IGSF9B: variants seen among roughly 807,000 people sequenced by gnomAD.
IGSF9B encodes immunoglobulin superfamily member 9B, also known as protein turtle homolog B.
A neutral mutation model predicts 143.7 loss-of-function variants in IGSF9B; 48 were observed. That is an observed-to-expected ratio of 0.33 (90% confidence interval 0.26 to 0.42). The LOEUF is 0.42. IGSF9B is among the 20% of genes least tolerant of loss of function. The probability of loss-of-function intolerance (pLI) is 1.00; values close to 1 mark genes in which losing one functional copy is unlikely to be tolerated. For missense variants in IGSF9B, 1,706 were observed against 1,980.0 expected (o/e 0.86, Z 2.63); for synonymous variants, 903 against 833.1 (o/e 1.08, Z -1.44).
chr11:133,904,354 G>A lies in IGSF9B; in HGVS notation c.*4715C>T, dbSNP rs2121258543. 6.6e-6 allele frequency among the ~76,000 whole-genome samples: 1 copy of A among 152,320 alleles called. No homozygotes were observed. The highest frequency in any genetic ancestry group is 6.5e-5 in the Admixed American group (1 of 15,302). ...CTCAAGACAAGTTTCTCAGCTTTGG[G>A]CCTGAGGAGCCCCCAAAACAAATGA... On this transcript the variant is annotated 3_prime_UTR_variant, in exon 20 of 20. Transcript: ENST00000533871.
chr11:133,946,866 C>T (rs1298739570), intron 1 of IGSF9B, among the ~76,000 whole-genome samples: 3 of 152,178 alleles, frequency 2.0e-5, no homozygotes, highest in Admixed American at 6.5e-5. Flanking sequence ...CGAGGCTGCT[C>T]GTGGCAACAC....
intron 3 of IGSF9B, 131 bp from the exon 4 acceptor site, chr11:133,938,092 G>A (rs1010492007): frequency 8.4e-6 from 9 of 1,070,834 alleles, no homozygotes; most frequent in Non-Finnish European, 1.2e-5. Flanking sequence ...GGAAGGTGGG[G>A]ATGGGAAAAA....
rs1331518853 is a variant in IGSF9B at position 133,928,622 on chromosome 11, C to T, written c.1631+1049G>A. Among the ~76,000 whole-genome samples, 1 of 152,172 alleles carries T rather than the reference C, an allele frequency of 6.6e-6. No individual in the cohort carries two copies. The highest frequency in any genetic ancestry group is 1.5e-5 in the Non-Finnish European group (1 of 68,026). ...AAGAAGGCACTGAGGGGCTCGCCCT[C>T]CCAGCTCAAGGTTGTCACCCCCGGG... On this transcript the variant is annotated intron_variant, in intron 12 of 19. Transcript: ENST00000533871. The surrounding 1 kb of genome is among the most constrained non-coding windows in gnomAD (Gnocchi z 4.7).
At chr11:133,942,191 C>T (rs539723940) in intron 3 of IGSF9B, among the ~76,000 whole-genome samples, 2 of 152,282 alleles carry the variant, frequency 1.3e-5, no homozygotes, top group East Asian at 1.9e-4. Flanking sequence ...GCATCTCACA[C>T]ATAATTACCC....
Position 133,920,829 on chromosome 11 carries a change from A to G in IGSF9B, c.2896T>C (p.Tyr966His), listed in dbSNP as rs753172962. The G allele has an allele frequency of 8.7e-6, 14 of 1,600,654 alleles. No homozygotes were observed. The highest frequency in any genetic ancestry group is 1.2e-5 in the Non-Finnish European group (14 of 1,173,124). The change falls in exon 18 of 20, where the codon TAT becomes CAT. Residue 966 changes from tyrosine (Y) to histidine (H), a missense_variant. Physicochemically the swap from Tyr to His is moderately conservative, Grantham distance 83. Around this residue, in one of 7 missense-constraint regions of IGSF9B, gnomAD observed 880 missense variants for 762.9 expected, o/e 1.15. Coordinates refer to ENST00000533871, the MANE Select transcript of IGSF9B (RefSeq NM_001277285.4). ...CTGCTGCTGCTGAGGTACCCATAAT[A>G]CTGGCCATGGTGGAAGGGCCGGGGG... is the stretch of plus-strand genomic sequence containing the variant. ...PAPRPFHHGQ[Y>H]YGYLSSSSPG...
At position 133,956,825 on chromosome 11, in the gene IGSF9B, C is replaced by A; in HGVS notation, c.-71G>T. 3 of 998,424 alleles carry A rather than the reference C, an allele frequency of 3.0e-6. No individual in the cohort carries two copies. Among genetic ancestry groups the A allele is most frequent in the Non-Finnish European group, 4.0e-6 (3 of 744,230 alleles). 61.8% of individuals were successfully genotyped at this position (998,424 alleles called of 1,614,324 possible). On this transcript the variant is annotated 5_prime_UTR_variant, in exon 1 of 20. Coordinates refer to ENST00000533871, the MANE Select transcript of IGSF9B (RefSeq NM_001277285.4). ...CCCGCGCCCGCACGCGCCTCGCGCC[C>A]GAGCGCCCGCCTCGCGCCCGCCTCG...
At position 133,948,752 on chromosome 11, in the gene IGSF9B, G is replaced by A. The variant is rs567055660; in HGVS notation, c.65-2494C>T. On this transcript the variant is annotated intron_variant, in intron 1 of 19. Transcript: ENST00000533871. This position sits in a 1 kb window ranked among gnomAD's most constrained non-coding sequence, Gnocchi z 4.7. ...ATTCCCAGGTGCCAGGTTACCTGGA[G>A]GAGGGCAGAGTGGGCAACAGAAGGT... is the stretch of plus-strand genomic sequence containing the variant. Among the ~76,000 whole-genome samples, 1 of 152,256 alleles carries A rather than the reference G, an allele frequency of 6.6e-6. No individual in the cohort carries two copies. Among genetic ancestry groups the A allele is most frequent in the African/African-American group, 2.4e-5 (1 of 41,554 alleles).
chr11:133,926,717 G>A (rs1193118693), intron 13 of IGSF9B, among the ~76,000 whole-genome samples, 199 bp downstream of exon 13: 1 of 152,198 alleles, frequency 6.6e-6, no homozygotes, highest in Non-Finnish European at 1.5e-5. Flanking sequence ...ACAGGAATTC[G>A]GCCAATGGCA....
rs1565431644 is a variant in IGSF9B, at chr11:133,927,106, GAGAC to G, written c.1632-19_1632-16del. 6.5e-7 allele frequency: 1 copy of G among 1,541,768 alleles called. No individual in the cohort carries two copies. The highest frequency in any genetic ancestry group is 2.5e-5 in the East Asian group (1 of 40,748). On this transcript the variant is annotated splice_polypyrimidine_tract_variant and intron_variant, in intron 12 of 19. Transcript: ENST00000533871. ...CCCGCTTCATCCTGGCCAAAAGAGA[GAGAC>G]AGGATAGGGGACGAGGGGCGGGGTG...
At position 133,904,546 on chromosome 11, in the gene IGSF9B, C is replaced by G. The variant is rs1358682376; in HGVS notation, c.*4523G>C. ...CACCCCACAATCCGTCCCTGATGCC[C>G]AGATCCCCCTCCCACATGCCCTGCA... is the stretch of plus-strand genomic sequence containing the variant. On this transcript the variant is annotated 3_prime_UTR_variant, in exon 20 of 20. Transcript: ENST00000533871. Among the ~76,000 whole-genome samples, 1 of 152,152 alleles carries G rather than the reference C, an allele frequency of 6.6e-6. No individual in the cohort carries two copies. The highest frequency in any genetic ancestry group is 1.5e-5 in the Non-Finnish European group (1 of 68,030).
At position 133,926,848 on chromosome 11, in the gene IGSF9B, G is replaced by A. The variant is rs1171647286; in HGVS notation, c.1807+68C>T. 34 of 1,384,744 alleles carry A rather than the reference G, an allele frequency of 2.5e-5. 1 individual carries two copies. The highest frequency in any genetic ancestry group is 3.4e-5 in the Non-Finnish European group (34 of 1,012,490). 85.8% of individuals were successfully genotyped at this position (1,384,744 alleles called of 1,614,324 possible). A position where few individuals can be genotyped will look rare whatever the true frequency, so the allele number is the denominator to read the frequency against. On this transcript the variant is annotated intron_variant, in intron 13 of 19. Transcript: ENST00000533871. ...GGCACACAGGAGGCCGACTGCTATAGCTGCCTGGGCCACCGCCCCCACCAC... is the reference window on the plus strand; with the variant it reads ...GGCACACAGGAGGCCGACTGCTATAACTGCCTGGGCCACCGCCCCCACCAC...
intron 3 of IGSF9B, among the ~76,000 whole-genome samples, chr11:133,943,269 A>ATAATGATTCCAT (rs1161792909): frequency 5.3e-5 from 8 of 152,252 alleles, no homozygotes; most frequent in African/African-American, 1.9e-4. Flanking sequence ...CATCAATGGA[A>ATAATGATTCCAT]TAACGAAGGA....
Position 133,908,159 on chromosome 11 carries a change from T to C in IGSF9B, c.*910A>G, listed in dbSNP as rs928308459. ...AGGGCGCCGACGGATGCGCTGGACA[T>C]GTGCACCAGAGGCTTGCTTTAGCCC... is the stretch of plus-strand genomic sequence containing the variant. On this transcript the variant is annotated 3_prime_UTR_variant, in exon 20 of 20. Transcript: ENST00000533871. Among the ~76,000 whole-genome samples, 1 of 152,198 alleles carries C rather than the reference T, an allele frequency of 6.6e-6. No homozygotes were observed. Among genetic ancestry groups the C allele is most frequent in the Non-Finnish European group, 1.5e-5 (1 of 68,038 alleles).
intron 3 of IGSF9B, among the ~76,000 whole-genome samples, chr11:133,939,065 G>A (rs1356254818): frequency 6.6e-6 from 1 of 152,204 alleles, no homozygotes. Context: ...TAGTCAGAGC[G>A]CTATAGGATC....
intron 6 of IGSF9B, 114 bp downstream of exon 6, chr11:133,935,939 C>T (rs1939814611): frequency 4.9e-6 from 7 of 1,420,968 alleles, no homozygotes; most frequent in Non-Finnish European, 6.7e-6. Context: ...AGACTGCCCA[C>T]CTCCCCCAGC....
At chr11:133,942,644 A>G (rs1345019286) in intron 3 of IGSF9B, among the ~76,000 whole-genome samples, 2 of 152,180 alleles carry the variant, frequency 1.3e-5, no homozygotes, top group Non-Finnish European at 2.9e-5. Context: ...AGCACAGTCG[A>G]GAAGGGAAGC....
chr11:133,918,578 C>G (rs1010939319), intron 18 of IGSF9B, among the ~76,000 whole-genome samples: 4 of 152,170 alleles, frequency 2.6e-5, no homozygotes, highest in South Asian at 2.1e-4. Context: ...CCCCGCACCC[C>G]CTTCCTCGGC....
intron 18 of IGSF9B, among the ~76,000 whole-genome samples, chr11:133,918,778 A>G (rs1939444284): frequency 6.6e-6 from 1 of 150,830 alleles, no homozygotes; most frequent in African/African-American, 2.4e-5. Flanking sequence ...GGCTACATCG[A>G]GAAGAGAGAC....
intron 18 of IGSF9B, among the ~76,000 whole-genome samples, chr11:133,915,917 T>A (rs1442790330): frequency 2.6e-5 from 4 of 152,170 alleles, no homozygotes; most frequent in African/African-American, 2.4e-5. Context: ...GTGGGCCCAC[T>A]GCGGGAGTCT....
Sources: allele counts gnomAD v4.1 joint callset (sites outside exome capture counted in the v4.1 genomes callset), GRCh38; gene constraint gnomAD v4.1.1; regional missense constraint gnomAD v4.1.1; non-coding constraint Gnocchi (gnomAD v3.1); transcripts MANE v1.5; gene names NCBI Gene and HGNC (gene_info 2026-07-23, HGNC 2026-07-21).